Variants in CRYBG1 observed in about 807,000 individuals in gnomAD.
CRYBG1 encodes crystallin beta-gamma domain containing 1, also known as beta/gamma crystallin domain-containing protein 1.
A neutral mutation model predicts 189.2 loss-of-function variants in CRYBG1; 139 were observed. That is an observed-to-expected ratio of 0.73 (90% CI 0.64 to 0.85). CRYBG1 has a LOEUF of 0.85. Ranked by LOEUF, CRYBG1 falls within the 40% of genes least tolerant of loss-of-function variation. The pLI, the probability that CRYBG1 is intolerant of heterozygous loss-of-function variation, is 0.00. For synonymous variants in CRYBG1, 1,023 were observed against 1,017.1 expected (o/e 1.01, Z -0.11); for missense variants, 2,611 against 2,675.8 (o/e 0.98, Z 0.53).
chr6:106,475,339 C>T (rs771423777), intron 2 of CRYBG1, among the ~76,000 whole-genome samples: 2 of 152,110 alleles, frequency 1.3e-5, no homozygotes, highest in African/African-American at 4.8e-5. Flanking sequence ...GACAAATGTA[C>T]ACGAAAAAGT....
At chr6:106,529,647 A>G (rs1428458565) in intron 7 of CRYBG1, among the ~76,000 whole-genome samples, 1 of 152,234 alleles carries the variant, frequency 6.6e-6, no homozygotes, top group East Asian at 1.9e-4. Context: ...ACCAAAGTAC[A>G]GAGATTTGTA....
intron 2 of CRYBG1, among the ~76,000 whole-genome samples, chr6:106,484,611 C>T (rs908388639): frequency 6.6e-6 from 1 of 152,174 alleles, no homozygotes; most frequent in African/African-American, 2.4e-5. Context: ...TGAGCCACAG[C>T]ACCTGGCCCA....
chr6:106,371,242 T>C (rs866655799), intron 1 of CRYBG1, among the ~76,000 whole-genome samples: 1 of 152,244 alleles, frequency 6.6e-6, no homozygotes, highest in African/African-American at 2.4e-5. Context: ...TTCATAAATA[T>C]CTCATGAAAG....
In CRYBG1 at chr6:106,512,389, G is replaced by A. The variant is rs1250619565; in HGVS notation, c.1272G>A (p.Ser424=). ...GTAGGTCGGGGAGGCGGAGGGGGTC[G>A]CAGAAATCCACCGACTCCCCCGGCG... is the stretch of plus-strand genomic sequence containing the variant. ...SGRRSGRRRG[S]QKSTDSPGAD... The change falls in exon 3 of 22, where the codon TCG becomes TCA. Residue 424 remains serine (S), a synonymous_variant. Transcript: ENST00000633556. 2.5e-6 allele frequency: 4 copies of A among 1,610,026 alleles called. No individual in the cohort carries two copies. In the East Asian group the frequency reaches 6.7e-5, roughly 27 times the overall value.
chr6:106,563,124 G>A (rs189191543), intron 20 of CRYBG1, among the ~76,000 whole-genome samples: 190 of 152,280 alleles, frequency 1.2e-3, no homozygotes, highest in African/African-American at 4.4e-3. Context: ...ATGTGAACAT[G>A]ACTGCCATAC....
At chr6:106,539,333 C>T (rs1388834393) in intron 8 of CRYBG1, 70 bp from the exon 9 acceptor site, 25 of 1,572,354 alleles carry the variant, frequency 1.6e-5, no homozygotes, top group Non-Finnish European at 2.2e-5. Context: ...TCCTGGGTAC[C>T]AGACAGAAGG....
intron 1 of CRYBG1, among the ~76,000 whole-genome samples, chr6:106,389,271 T>A (rs1272342005): frequency 4.6e-5 from 7 of 152,216 alleles, no homozygotes; most frequent in Admixed American, 1.3e-4. Flanking sequence ...TTTTGTGGAA[T>A]GTTCTTTTCC....
At chr6:106,510,794 G>C (rs1007581420) in intron 2 of CRYBG1, among the ~76,000 whole-genome samples, 1 of 152,248 alleles carries the variant, frequency 6.6e-6, no homozygotes, top group African/African-American at 2.4e-5. Flanking sequence ...GGGATCACTC[G>C]GGTGTTTGAA....
chr6:106,483,401 T>TATAAA, intron 2 of CRYBG1, among the ~76,000 whole-genome samples: 1 of 95,596 alleles, frequency 1.0e-5, no homozygotes, highest in Non-Finnish European at 2.5e-5. Context: ...GATATATATA[T>TATAAA]AAAACATTTT....
chr6:106,494,214 G>C (rs1772790295), intron 2 of CRYBG1, among the ~76,000 whole-genome samples: 1 of 152,040 alleles, frequency 6.6e-6, no homozygotes, highest in South Asian at 2.1e-4. Flanking sequence ...GTTGCCAGAG[G>C]CTGGGGGTGG....
intron 2 of CRYBG1, among the ~76,000 whole-genome samples, chr6:106,496,267 G>C (rs1302310846): frequency 1.3e-5 from 2 of 152,188 alleles, no homozygotes; most frequent in Admixed American, 1.3e-4. Flanking sequence ...TGCTTCACCA[G>C]TTTGGTCATA....
At chr6:106,450,828 TC>T (rs1260100943) in intron 1 of CRYBG1, among the ~76,000 whole-genome samples, 1 of 152,202 alleles carries the variant, frequency 6.6e-6, no homozygotes, top group Non-Finnish European at 1.5e-5. Flanking sequence ...AGCAGACGCC[TC>T]TCACATCCCA....
rs776834639 is a variant in CRYBG1, at chr6:106,513,085, G to T, written c.1922+46G>T. Reference sequence around the variant, plus strand: ...CGGCCGAGTTGCTGTCCGCACACGTGCTGGGGGTCCGCTCTGAGAGGCTCG... The same window carrying T: ...CGGCCGAGTTGCTGTCCGCACACGTTCTGGGGGTCCGCTCTGAGAGGCTCG... On this transcript the variant is annotated intron_variant, in intron 3 of 21. Transcript: ENST00000633556. 4.5e-6 allele frequency: 7 copies of T among 1,563,258 alleles called. No homozygotes were observed. The African/African-American group carries it at 6.7e-5, about 15-fold the overall frequency.
At chr6:106,366,775 G>A (rs72945593) in intron 1 of CRYBG1, among the ~76,000 whole-genome samples, 32,138 of 152,248 alleles carry the variant, frequency 0.21, 3,846 homozygotes, top group Non-Finnish European at 0.27. Flanking sequence ...GCAAGTGCTG[G>A]ATAGAGGAAA....
At chr6:106,504,881 TATC>T (rs1304766777) in intron 2 of CRYBG1, among the ~76,000 whole-genome samples, 2 of 152,098 alleles carry the variant, frequency 1.3e-5, no homozygotes, top group Non-Finnish European at 2.9e-5. Flanking sequence ...GCCATACACT[TATC>T]ATGGGAAAAT....
At chr6:106,559,372 G>A (rs566296417) in intron 18 of CRYBG1, among the ~76,000 whole-genome samples, 124 of 152,316 alleles carry the variant, frequency 8.1e-4, no homozygotes, top group African/African-American at 2.9e-3. Context: ...AAAAATGAAT[G>A]AGTACCATCA....
Position 106,511,513 on chromosome 6 carries a change from A to T in CRYBG1, c.396A>T (p.Arg132Ser). The change falls in exon 3 of 22, where the codon AGA becomes AGT. Residue 132 changes from arginine (R) to serine (S), a missense_variant. Physicochemically the swap from Arg to Ser is moderately radical, Grantham distance 110. This residue lies in a region of CRYBG1 where 985 missense variants were observed against 924.4 expected (regional missense o/e 1.07). Transcript: ENST00000633556. ...CTCTATTCACTGCAGGAAGGAGAAG[A>T]AACAGTAGAAACGGGTTAGAGAGTC... ...LGTLFTAGRR[R>S]NSRNGLESPT... The T allele has an allele frequency of 6.5e-7, 1 of 1,535,650 alleles. No individual in the cohort carries two copies. Among genetic ancestry groups the T allele is most frequent in the Non-Finnish European group, 8.7e-7 (1 of 1,146,514 alleles).
At chr6:106,525,497 A>G (rs1773719393) in intron 6 of CRYBG1, 111 bp downstream of exon 6, 1 of 798,938 alleles carries the variant, frequency 1.3e-6, no homozygotes, top group African/African-American at 1.7e-5. Context: ...AATGAAAAGC[A>G]CAGGAAATAC....
chr6:106,466,954 TA>T (rs2114460913), intron 2 of CRYBG1, among the ~76,000 whole-genome samples: 1 of 152,208 alleles, frequency 6.6e-6, no homozygotes, highest in South Asian at 2.1e-4. Flanking sequence ...GAGTTGGGTA[TA>T]GAGAAATAAA....
Sources: gnomAD v4.1 joint callset for allele counts (sites outside exome capture counted in the v4.1 genomes callset) on GRCh38, gnomAD v4.1.1 for gene constraint, gnomAD v4.1.1 regional missense constraint, MANE v1.5 for transcripts, NCBI Gene and HGNC (gene_info 2026-07-23, HGNC 2026-07-21) for gene names.